The following LRRC63 variants were observed in gnomAD, a reference collection of about 807,000 sequenced individuals.
LRRC63 encodes leucine rich repeat containing 63, also known as leucine-rich repeat-containing protein 63.
Under a neutral mutation model 49.5 loss-of-function variants are expected in LRRC63, and 40 were observed. The ratio of observed to expected loss-of-function variants is 0.81; its 90% CI spans 0.63 to 1.05. The LOEUF is 1.05. Ranked by LOEUF, LRRC63 falls within the 50% of genes least tolerant of loss-of-function variation. LRRC63 has a pLI of 0.00. For synonymous variants in LRRC63, 191 were observed against 221.1 expected (o/e 0.86, Z 1.21); for missense variants, 636 against 663.1 (o/e 0.96, Z 0.45).
At position 46,242,686 on chromosome 13, in the gene LRRC63, C is replaced by T. The variant is rs149614782; in HGVS notation, c.991-3841C>T. On this transcript the variant is annotated intron_variant, in intron 5 of 9. Coordinates refer to ENST00000595396, the Ensembl canonical transcript of LRRC63. ...GCACAAAGAATAAAGAAACATGTGACGTTCAACAGAGCCCCAGTACAGCTT... is the reference window on the plus strand; with the variant it reads ...GCACAAAGAATAAAGAAACATGTGATGTTCAACAGAGCCCCAGTACAGCTT... Among the ~76,000 whole-genome samples the T allele has an allele frequency of 3.8e-4, 57 of 151,704 alleles. 1 individual carries two copies. In the East Asian group the frequency reaches 0.01, roughly 28 times the overall value.
intron 9 of LRRC63, chr13:46,270,637 CA>C: frequency 1.2e-6 from 1 of 802,908 alleles, no homozygotes; most frequent in Non-Finnish European, 2.2e-6. Context: ...TGACATGGAG[CA>C]AAAAGCAAAG....
chr13:46,212,697 T>C (rs1488945531), intron 1 of LRRC63, among the ~76,000 whole-genome samples: 1 of 152,232 alleles, frequency 6.6e-6, no homozygotes, highest in Non-Finnish European at 1.5e-5. Flanking sequence ...CTAGTTGAAA[T>C]AGCATTGGCA....
intron 9 of LRRC63, among the ~76,000 whole-genome samples, chr13:46,269,250 G>A (rs1158944178): frequency 6.7e-6 from 1 of 150,260 alleles, no homozygotes; most frequent in Non-Finnish European, 1.5e-5. Context: ...TTGCCCACCA[G>A]ACATCAAGAC....
intron 2 of LRRC63, among the ~76,000 whole-genome samples, chr13:46,224,155 C>T (rs1252261106): frequency 6.6e-6 from 1 of 152,176 alleles, no homozygotes; most frequent in African/African-American, 2.4e-5. Flanking sequence ...GTTTTATAGT[C>T]CTTCCTTTGT....
rs866040008 is a variant in LRRC63, at chr13:46,214,649, A to G, written c.85+1530A>G. 2.2e-5 allele frequency among the ~76,000 whole-genome samples: 3 copies of G among 133,952 alleles called. No homozygotes were observed. In the South Asian group the frequency reaches 6.8e-4, roughly 30 times the overall value. The allele number at this position is 133,952 out of a possible 152,430, so 87.9% of individuals were successfully genotyped here. On this transcript the variant is annotated intron_variant, in intron 2 of 9. Transcript: ENST00000595396. ...CAAAATTTGTTTTTTTATTTCTTCT[A>G]AAAAAAAAAAAAGCAGGATACATGC... is the stretch of plus-strand genomic sequence containing the variant.
chr13:46,214,415 T>C (rs991146681), intron 2 of LRRC63, among the ~76,000 whole-genome samples: 1 of 152,222 alleles, frequency 6.6e-6, no homozygotes, highest in African/African-American at 2.4e-5. Context: ...TCTGTAATAA[T>C]ACAGTATGCA....
At chr13:46,228,063 G>A in exon 3 of LRRC63, 1 of 1,551,064 alleles carries the variant, frequency 6.4e-7, no homozygotes, top group Admixed American at 2.0e-5. Context: ...TATGAAACCA[G>A]AAGGACAGTG....
chr13:46,246,532 T>C, exon 6 of LRRC63: 2 of 1,446,060 alleles, frequency 1.4e-6, no homozygotes, highest in Non-Finnish European at 1.8e-6. Flanking sequence ...TTTAGGGCTT[T>C]TTTATCCTAA....
chr13:46,223,670 A>G (rs565566869), intron 2 of LRRC63, among the ~76,000 whole-genome samples: 1 of 152,086 alleles, frequency 6.6e-6, no homozygotes, highest in African/African-American at 2.4e-5. Context: ...CTGGGCCAAC[A>G]TGGTGAAACC....
At chr13:46,252,706 C>A (rs1023733360) in intron 7 of LRRC63, among the ~76,000 whole-genome samples, 1 of 151,854 alleles carries the variant, frequency 6.6e-6, no homozygotes, top group Non-Finnish European at 1.5e-5. Flanking sequence ...ACAGGAGAGA[C>A]AACAAAGGAT....
At chr13:46,238,556 A>C (rs1215413412) in intron 5 of LRRC63, among the ~76,000 whole-genome samples, 1 of 152,210 alleles carries the variant, frequency 6.6e-6, no homozygotes, top group Non-Finnish European at 1.5e-5. Flanking sequence ...AGAAGCAAAG[A>C]CATGTCTTAC....
At chr13:46,219,715 A>T (rs141730501) in intron 2 of LRRC63, among the ~76,000 whole-genome samples, 1,782 of 152,240 alleles carry the variant, frequency 0.012, 18 homozygotes, top group African/African-American at 0.021. Flanking sequence ...TTTTTGTGCT[A>T]GTTTTTCCTC....
At chr13:46,249,372 A>G (rs936455704) in intron 6 of LRRC63, among the ~76,000 whole-genome samples, 4 of 151,844 alleles carry the variant, frequency 2.6e-5, no homozygotes, top group African/African-American at 9.7e-5. Flanking sequence ...AAAATTGACA[A>G]ACTTTACGTA....
chr13:46,221,175 C>T (rs2046396845), intron 2 of LRRC63, among the ~76,000 whole-genome samples: 1 of 152,036 alleles, frequency 6.6e-6, no homozygotes, highest in South Asian at 2.1e-4. Context: ...TTGATGAGAA[C>T]AATAAATATG....
chr13:46,263,993 A>G (rs2047649521), intron 8 of LRRC63, among the ~76,000 whole-genome samples: 1 of 152,206 alleles, frequency 6.6e-6, no homozygotes, highest in Non-Finnish European at 1.5e-5. Flanking sequence ...TAACCCTGAC[A>G]AATAAATGAT....
exon 3 of LRRC63, chr13:46,227,553 G>A: frequency 1.9e-6 from 3 of 1,543,536 alleles, no homozygotes; most frequent in Non-Finnish European, 2.6e-6. Flanking sequence ...AGCATTCACT[G>A]AAGATGAAAC....
chr13:46,276,658 A>T, exon 10 of LRRC63: 1 of 1,231,148 alleles, frequency 8.1e-7, no homozygotes, highest in Non-Finnish European at 1.0e-6. Context: ...CGATCCTGTG[A>T]TATTTTTGGA....
chr13:46,263,367 G>T (rs1346741571), intron 8 of LRRC63, among the ~76,000 whole-genome samples: 1 of 151,628 alleles, frequency 6.6e-6, no homozygotes, highest in Non-Finnish European at 1.5e-5. Flanking sequence ...TAGAGATGGG[G>T]GTCTCACTAT....
intron 4 of LRRC63, among the ~76,000 whole-genome samples, chr13:46,231,996 T>C (rs894617938): frequency 3.3e-5 from 5 of 151,766 alleles, no homozygotes; most frequent in Admixed American, 1.3e-4. Context: ...TTTGTATTTT[T>C]AGTAGAGACG....
Sources: allele counts gnomAD v4.1 joint callset (sites outside exome capture counted in the v4.1 genomes callset), GRCh38; gene constraint gnomAD v4.1.1; transcripts MANE v1.5; gene names NCBI Gene and HGNC (gene_info 2026-07-23, HGNC 2026-07-21).